Variants in ODR4 observed in about 807,000 individuals in gnomAD.
ODR4 encodes the protein protein odr-4 homolog.
In ODR4, 47 loss-of-function variants were observed where a neutral mutation model predicts 60.2. The observed-to-expected ratio is 0.78, with a 90% CI of 0.62 to 1.00. The LOEUF is 1.00. ODR4 is among the 50% of genes least tolerant of loss of function. The pLI is 0.00. For synonymous variants in ODR4, 178 were observed against 175.5 expected, an observed-to-expected ratio of 1.01 and a Z score of -0.11; for missense variants, 488 against 530.8, an observed-to-expected ratio of 0.92 and a Z score of 0.79.
intron 9 of ODR4, 40 bp downstream of exon 9, chr1:186,394,055 T>C (rs1318584577): frequency 6.4e-6 from 7 of 1,086,268 alleles, no homozygotes; most frequent in Non-Finnish European, 8.1e-6. Flanking sequence ...TTTATTAGCA[T>C]AACCATAATG....
At position 186,417,332 on chromosome 1, in the gene ODR4, G is replaced by A. The variant is rs1178439241; in HGVS notation, c.1187-212G>A. ...CCCTCTGGTTTAGTTCAATGATAAA[G>A]CTACATTGTTTTGAAAACTGTTAAT... is the stretch of plus-strand genomic sequence containing the variant. On this transcript the variant is annotated intron_variant, in intron 12 of 13. Coordinates refer to ENST00000287859, the MANE Select transcript of ODR4 (RefSeq NM_017847.6). 5 of 453,104 alleles carry A rather than the reference G, an allele frequency of 1.1e-5. No individual in the cohort carries two copies. The East Asian group carries it at 2.2e-4, about 20-fold the overall frequency. The allele number at this position is 453,104 out of a possible 1,614,324, so 28.1% of individuals were successfully genotyped here.
chr1:186,411,028 A>G lies in ODR4; in HGVS notation c.1186+4760A>G, dbSNP rs1319241575. Among the ~76,000 whole-genome samples the G allele has an allele frequency of 2.6e-5, 4 of 152,126 alleles. No homozygotes were observed. The East Asian group carries it at 7.7e-4, about 29-fold the overall frequency. On this transcript the variant is annotated intron_variant, in intron 12 of 13. Transcript: ENST00000287859. ...AAAACTCTGTCTCAAAAAAAAAAAA[A>G]GAGTTAGTAAATTATTTCCCTTTTT... is the stretch of plus-strand genomic sequence containing the variant.
chr1:186,415,024 C>CT (rs1486413011), intron 12 of ODR4, among the ~76,000 whole-genome samples: 1 of 151,404 alleles, frequency 6.6e-6, no homozygotes, highest in African/African-American at 2.4e-5. Flanking sequence ...ATATAGAAGA[C>CT]TAGATATTCC....
intron 1 of ODR4, among the ~76,000 whole-genome samples, chr1:186,378,114 G>A (rs1298778683): frequency 6.6e-6 from 1 of 151,986 alleles, no homozygotes; most frequent in Admixed American, 6.6e-5. Context: ...CAAGCTCATT[G>A]AAACAATAAG....
chr1:186,434,074 C>T, the ODR4 span, among the ~76,000 whole-genome samples: 2 of 151,888 alleles, frequency 1.3e-5, no homozygotes, highest in African/African-American at 4.8e-5. Context: ...ATTTTATTAG[C>T]CATATATATG....
At chr1:186,398,636 A>T (rs1374353692) in intron 10 of ODR4, among the ~76,000 whole-genome samples, 195 bp downstream of exon 10, 1 of 152,186 alleles carries the variant, frequency 6.6e-6, no homozygotes, top group Non-Finnish European at 1.5e-5. Flanking sequence ...GTGCCTTTTT[A>T]AAAATGATGG....
chr1:186,415,343 G>C (rs1661523450), intron 12 of ODR4, among the ~76,000 whole-genome samples: 2 of 152,036 alleles, frequency 1.3e-5, no homozygotes, highest in Admixed American at 1.3e-4. Context: ...TTTTGAGCTT[G>C]TGCTCCCATA....
intron 9 of ODR4, among the ~76,000 whole-genome samples, chr1:186,394,833 A>G (rs1246575795): frequency 1.3e-5 from 2 of 152,152 alleles, no homozygotes; most frequent in African/African-American, 2.4e-5. Context: ...TGAGTTCTCA[A>G]TTTCATTTTT....
intron 11 of ODR4, among the ~76,000 whole-genome samples, chr1:186,400,263 T>G (rs1180142194): frequency 2.0e-5 from 3 of 151,800 alleles, no homozygotes; most frequent in African/African-American, 7.3e-5. Context: ...GTGCTGGGAT[T>G]ACAGGCATGA....
At chr1:186,413,755 T>A (rs927014035) in intron 12 of ODR4, among the ~76,000 whole-genome samples, 1 of 152,200 alleles carries the variant, frequency 6.6e-6, no homozygotes, top group African/African-American at 2.4e-5. Flanking sequence ...AATGATACAG[T>A]AATTTAGGAA....
the ODR4 span, among the ~76,000 whole-genome samples, chr1:186,429,088 C>A: frequency 2.0e-5 from 3 of 151,954 alleles, no homozygotes; most frequent in African/African-American, 7.2e-5. Flanking sequence ...AAAACAACAA[C>A]ACCAAACAAA....
intron 12 of ODR4, among the ~76,000 whole-genome samples, chr1:186,414,141 A>T (rs574503520): frequency 6.6e-5 from 10 of 152,320 alleles, no homozygotes; most frequent in Admixed American, 2.0e-4. Flanking sequence ...AAATAAACAG[A>T]CAAATAAATT....
In ODR4 at chr1:186,381,332, C is replaced by CTTCTTTTTTTTTTTTTTT. The variant is rs1558057831; in HGVS notation, c.99+1450_99+1451insCTTTTTTTTTTTTTTTTT. ...TGTCTCATAATTTAAGGCCTTCCTT[C>CTTCTTTTTTTTTTTTTTT]TTTTTTTTTTTTTTGAGACGGAGTC... On this transcript the variant is annotated intron_variant, in intron 2 of 13. Transcript: ENST00000287859. Among the ~76,000 whole-genome samples the CTTCTTTTTTTTTTTTTTT allele has an allele frequency of 2.5e-3, 354 of 144,464 alleles. 2 individuals are homozygous for CTTCTTTTTTTTTTTTTTT. Among genetic ancestry groups the CTTCTTTTTTTTTTTTTTT allele is most frequent in the African/African-American group, 8.6e-3 (340 of 39,508 alleles). 94.8% of individuals were successfully genotyped at this position (144,464 alleles called of 152,430 possible).
rs184225575 is a variant in ODR4, at chr1:186,392,445, C to T, written c.711+654C>T. On this transcript the variant is annotated intron_variant, in intron 8 of 13. Coordinates refer to ENST00000287859, the MANE Select transcript of ODR4 (RefSeq NM_017847.6). ...TGTGGTACATATACACCATGGAATA[C>T]TGTGCAGCCATTAAAACAGAACGAG... Among the ~76,000 whole-genome samples, 6 of 152,308 alleles carry T rather than the reference C, an allele frequency of 3.9e-5. No individual in the cohort carries two copies. The East Asian group carries it at 1.2e-3, about 29-fold the overall frequency.
chr1:186,383,136 G>C lies in ODR4; in HGVS notation c.214G>C (p.Ala72Pro), dbSNP rs1660105178. The C allele has an allele frequency of 1.9e-6, 3 of 1,553,410 alleles. No homozygotes were observed. Among genetic ancestry groups the C allele is most frequent in the Non-Finnish European group, 2.6e-6 (3 of 1,148,010 alleles). The change falls in exon 3 of 14, where the codon GCC becomes CCC. Residue 72 changes from alanine to proline, a missense_variant. Ala to Pro is a conservative substitution (Grantham distance 27, BLOSUM62 -1). Transcript: ENST00000287859. ...AKLDNLDEEW[A>P]TEHACQVSRM... ...GTTGGATAACTTGGATGAAGAATGG[G>C]CCACAGAACATGCCTGCCAGGTTAT...
At position 186,419,286 on chromosome 1, in the gene ODR4, A is replaced by G; in HGVS notation, c.*210A>G. The G allele has an allele frequency of 1.8e-6, 1 of 562,750 alleles. No homozygotes were observed. Among genetic ancestry groups the G allele is most frequent in the South Asian group, 2.3e-5 (1 of 43,570 alleles). 34.9% of individuals were successfully genotyped at this position (562,750 alleles called of 1,614,324 possible). On this transcript the variant is annotated 3_prime_UTR_variant, in exon 14 of 14. Transcript: ENST00000287859. ...GTAGGTGGCCCGCATTTCCAGAAAT[A>G]ACGTTATGCATCTAGATGGAAGCTG...
chr1:186,424,562 C>T (rs982007412), downstream of ODR4, among the ~76,000 whole-genome samples: 1 of 152,022 alleles, frequency 6.6e-6, no homozygotes, highest in Non-Finnish European at 1.5e-5. Flanking sequence ...CTTAAAATAA[C>T]AACCATTTCA....
At chr1:186,408,842 A>G (rs1314411131) in intron 12 of ODR4, among the ~76,000 whole-genome samples, 1 of 152,002 alleles carries the variant, frequency 6.6e-6, no homozygotes, top group Non-Finnish European at 1.5e-5. Context: ...GATATAAAAG[A>G]ATAGGAAGAG....
intron 3 of ODR4, among the ~76,000 whole-genome samples, chr1:186,385,500 A>C (rs535431483): frequency 2.0e-5 from 3 of 151,824 alleles, no homozygotes; most frequent in South Asian, 4.2e-4. Context: ...GCTGCCTTTG[A>C]AGTATCCAGT....
Sources: allele counts gnomAD v4.1 joint callset (sites outside exome capture counted in the v4.1 genomes callset), GRCh38; gene constraint gnomAD v4.1.1; transcripts MANE v1.5; gene names NCBI Gene and HGNC (gene_info 2026-07-23, HGNC 2026-07-21).